The following COL5A2 variants were observed in gnomAD, a reference collection of about 807,000 sequenced individuals.
COL5A2 encodes collagen type V alpha 2 chain.
A neutral mutation model predicts 208.2 loss-of-function variants in COL5A2; 23 were observed. The observed-to-expected ratio is 0.11, with a 90% CI of 0.08 to 0.16. The LOEUF is 0.16. Ranked by LOEUF, COL5A2 falls within the 10% of genes least tolerant of loss-of-function variation. The pLI is 1.00. For synonymous variants in COL5A2, 625 were observed against 628.5 expected (o/e 0.99, Z 0.08); for missense variants, 1,590 against 1,956.4 (o/e 0.81, Z 3.53).
At chr2:189,178,513 C>T (rs989445475) in intron 1 of COL5A2, among the ~76,000 whole-genome samples, 4 of 151,814 alleles carry the variant, frequency 2.6e-5, no homozygotes, top group African/African-American at 9.7e-5. Flanking sequence ...TCTACAGTGG[C>T]TTATTTTAAA....
At chr2:189,310,924 C>T in the COL5A2 span, among the ~76,000 whole-genome samples, 1 of 151,620 alleles carries the variant, frequency 6.6e-6, no homozygotes, top group Non-Finnish European at 1.5e-5. Context: ...TTACCAGGGG[C>T]TGGGAAGGGT....
intron 6 of COL5A2, among the ~76,000 whole-genome samples, chr2:189,097,012 T>C (rs1265876845): frequency 6.6e-6 from 1 of 152,252 alleles, no homozygotes; most frequent in Non-Finnish European, 1.5e-5. Context: ...CAGTGCATTC[T>C]TGGCATTGCT....
chr2:189,079,325 G>T lies in COL5A2; in HGVS notation c.961-218C>A, dbSNP rs117127996. 2.3e-4 allele frequency among the ~76,000 whole-genome samples: 35 copies of T among 152,252 alleles called. No individual in the cohort carries two copies. The East Asian group carries it at 6.8e-3, about 29-fold the overall frequency. ...ATCTAAAATAATATTGGGGACTTAA[G>T]ATTGACGGAAACTATCATACCTAGC... On this transcript the variant is annotated intron_variant, in intron 14 of 53. Transcript: ENST00000374866.
chr2:189,402,304 G>T, the COL5A2 span, among the ~76,000 whole-genome samples: 3 of 151,948 alleles, frequency 2.0e-5, no homozygotes, highest in African/African-American at 7.2e-5. Flanking sequence ...TGCAACCTCC[G>T]ACTCCCTGGT....
At chr2:189,145,961 G>C (rs1273348288) in intron 1 of COL5A2, among the ~76,000 whole-genome samples, 1 of 152,056 alleles carries the variant, frequency 6.6e-6, no homozygotes. Flanking sequence ...GACTCATAAA[G>C]AGCAAGACAG....
chr2:189,215,336 G>T (rs560812357), intron 1 of COL5A2, among the ~76,000 whole-genome samples: 1 of 152,256 alleles, frequency 6.6e-6, no homozygotes, highest in South Asian at 2.1e-4. Context: ...CCACTAAGCA[G>T]AAGTGTCTAT....
chr2:189,045,280 C>T (rs956959011), intron 46 of COL5A2, 48 bp from the exon 47 acceptor site: 2 of 1,235,348 alleles, frequency 1.6e-6, no homozygotes, highest in East Asian at 2.3e-5. Flanking sequence ...AAAAGATATT[C>T]ACATATTACA....
At chr2:189,209,981 T>C (rs950738218) in intron 1 of COL5A2, among the ~76,000 whole-genome samples, 9 of 152,282 alleles carry the variant, frequency 5.9e-5, no homozygotes, top group Middle Eastern at 3.4e-3. Flanking sequence ...CAGATGGTAA[T>C]GCCGCCCTGA....
the COL5A2 span, among the ~76,000 whole-genome samples, chr2:189,326,661 A>T: frequency 2.0e-5 from 3 of 151,970 alleles, no homozygotes; most frequent in African/African-American, 7.2e-5. Context: ...ATTGCCCTCC[A>T]TCCTGGGTGA....
chr2:189,150,730 C>T (rs1688126247), intron 1 of COL5A2, among the ~76,000 whole-genome samples: 1 of 152,108 alleles, frequency 6.6e-6, no homozygotes, highest in Admixed American at 6.6e-5. Flanking sequence ...CTAGAATGAA[C>T]TTAGGAAGCT....
the COL5A2 span, among the ~76,000 whole-genome samples, chr2:189,424,840 T>C: frequency 6.6e-6 from 1 of 152,150 alleles, no homozygotes; most frequent in Non-Finnish European, 1.5e-5. Flanking sequence ...AAAAAAGACC[T>C]GATTAGCCAA....
chr2:189,142,366 TAA>T (rs1393524768), intron 1 of COL5A2, among the ~76,000 whole-genome samples: 1 of 152,088 alleles, frequency 6.6e-6, no homozygotes, highest in Non-Finnish European at 1.5e-5. Context: ...ACCATAATTA[TAA>T]ATTTTTTATA....
the COL5A2 span, among the ~76,000 whole-genome samples, chr2:189,356,999 A>T: frequency 6.6e-6 from 1 of 152,122 alleles, no homozygotes; most frequent in African/African-American, 2.4e-5. Flanking sequence ...CCTCTGCTGC[A>T]GGTCTGCTGG....
At chr2:189,177,905 T>A (rs1358805285) in intron 1 of COL5A2, among the ~76,000 whole-genome samples, 1 of 152,226 alleles carries the variant, frequency 6.6e-6, no homozygotes, top group Non-Finnish European at 1.5e-5. Context: ...ATTAAAGTAC[T>A]TTATTCATTT....
chr2:189,223,552 A>C (rs1206547041), intron 1 of COL5A2, among the ~76,000 whole-genome samples: 1 of 152,212 alleles, frequency 6.6e-6, no homozygotes. Flanking sequence ...CTTAATAGCC[A>C]AAAGCCAGCA....
the COL5A2 span, among the ~76,000 whole-genome samples, chr2:189,418,610 G>T: frequency 6.6e-6 from 1 of 152,304 alleles, no homozygotes; most frequent in South Asian, 2.1e-4. Flanking sequence ...ATGGAAAATA[G>T]TAGCTATGCA....
chr2:189,398,626 A>G, the COL5A2 span, among the ~76,000 whole-genome samples: 1 of 152,044 alleles, frequency 6.6e-6, no homozygotes. Context: ...ATCTTCTTCA[A>G]TCCTTTTTCA....
At chr2:189,377,409 A>C in the COL5A2 span, among the ~76,000 whole-genome samples, 1 of 152,220 alleles carries the variant, frequency 6.6e-6, no homozygotes, top group African/African-American at 2.4e-5. Flanking sequence ...CTGGATAATC[A>C]TATGACTATT....
At chr2:189,353,086 A>T in the COL5A2 span, among the ~76,000 whole-genome samples, 1 of 152,124 alleles carries the variant, frequency 6.6e-6, no homozygotes, top group Non-Finnish European at 1.5e-5. Flanking sequence ...TTTGTCAAAG[A>T]TCAGATGGTT....
Sources: gnomAD v4.1 joint callset for allele counts (sites outside exome capture counted in the v4.1 genomes callset) on GRCh38, gnomAD v4.1.1 for gene constraint, MANE v1.5 for transcripts, NCBI Gene and HGNC (gene_info 2026-07-23, HGNC 2026-07-21) for gene names.